The following KIF20A variants were observed in gnomAD, a reference collection of about 807,000 sequenced individuals.
KIF20A encodes kinesin-like protein KIF20A.
A neutral mutation model predicts 113.0 loss-of-function variants in KIF20A; 66 were observed. The observed-to-expected ratio is 0.58, with a 90% CI of 0.48 to 0.72. KIF20A has a LOEUF of 0.72. Among genes scored for constraint, KIF20A ranks in the 30% least tolerant of loss-of-function variants. The pLI is 0.00. For synonymous variants in KIF20A, 376 were observed against 402.3 expected (o/e 0.93, Z 0.78); for missense variants, 927 against 1,077.6 (o/e 0.86, Z 1.96).
intron 13 of KIF20A, 27 bp downstream of exon 13, chr5:138,184,703 A>G: frequency 3.1e-6 from 5 of 1,612,358 alleles, no homozygotes; most frequent in Non-Finnish European, 4.2e-6. Flanking sequence ...GCTTTAGTGT[A>G]GCAGCTTAGT....
intron 2 of KIF20A, 27 bp downstream of exon 2, chr5:138,179,872 C>A (rs903983000): frequency 6.2e-7 from 1 of 1,610,406 alleles, no homozygotes; most frequent in Non-Finnish European, 8.5e-7. Flanking sequence ...GTGGCTGGGG[C>A]GGAAAGTGAT....
At chr5:138,185,488 T>C (rs1754729127) in intron 15 of KIF20A, 24 bp from the exon 16 acceptor site, 1 of 1,607,894 alleles carries the variant, frequency 6.2e-7, no homozygotes, top group Non-Finnish European at 8.5e-7. Flanking sequence ...CTGCAAAGAA[T>C]TGTGCTCTCT....
At chr5:138,180,524 T>A (rs1411173600) in intron 2 of KIF20A, among the ~76,000 whole-genome samples, 1 of 152,226 alleles carries the variant, frequency 6.6e-6, no homozygotes, top group Non-Finnish European at 1.5e-5. Context: ...ACATACATTG[T>A]CAGATTTTGT....
rs1484981251 is a variant in KIF20A, at chr5:138,183,678, T to C, written c.1140-10T>C. On this transcript the variant is annotated splice_polypyrimidine_tract_variant and intron_variant, in intron 9 of 18. Coordinates refer to ENST00000394894, the MANE Select transcript of KIF20A (RefSeq NM_005733.3). The surrounding 1 kb of genome is among the most constrained non-coding windows in gnomAD (Gnocchi z 5.2). ...ATGTGCAATGACTTTTTGTTTTTCT[T>C]AACTTCCAGTCACAGCATCTTCTCA... 6.2e-7 allele frequency: 1 copy of C among 1,613,414 alleles called. No homozygotes were observed. Among genetic ancestry groups the C allele is most frequent in the African/African-American group, 1.3e-5 (1 of 74,916 alleles).
intron 17 of KIF20A, 63 bp from the exon 18 acceptor site, chr5:138,186,231 C>T: frequency 3.9e-6 from 6 of 1,556,062 alleles, no homozygotes; most frequent in East Asian, 2.2e-5. Flanking sequence ...GCTACCTGAC[C>T]CCTCCAGATC....
chr5:138,185,911 A>G (rs1754737162), intron 16 of KIF20A, 50 bp from the exon 17 acceptor site: 2 of 1,542,190 alleles, frequency 1.3e-6, no homozygotes, highest in Middle Eastern at 3.4e-4. Flanking sequence ...AGGTTAGTCC[A>G]AGGCTAAAAA....
rs1480117250 is a variant in KIF20A, at chr5:138,181,556, C to T, written c.255+45C>T. ...GGATTCAAGGTGAAATGATGCAGTA[C>T]AAAAGATTCCCAGGAATGCCTTCTG... On this transcript the variant is annotated intron_variant, in intron 3 of 18. Coordinates refer to ENST00000394894, the MANE Select transcript of KIF20A (RefSeq NM_005733.3). 7.4e-6 allele frequency: 12 copies of T among 1,613,896 alleles called. No individual in the cohort carries two copies. The South Asian group carries it at 1.2e-4, about 16-fold the overall frequency.
chr5:138,184,369 C>T lies in KIF20A; in HGVS notation c.1483C>T (p.Leu495Phe), dbSNP rs1239012177. Residue 495 changes from leucine to phenylalanine, a missense_variant, in exon 12 of 19, where the codon CTT becomes TTT. By Grantham distance (22) the Leu-to-Phe change is conservative. Coordinates refer to ENST00000394894, the MANE Select transcript of KIF20A (RefSeq NM_005733.3). ...NPCASTYDET[L>F]HVAKFSAIAS... ...CTGTGCATCTACCTATGATGAAACT[C>T]TTCATGTGGCCAAGTTCTCAGCCAT... 6.2e-7 allele frequency: 1 copy of T among 1,614,030 alleles called. No individual in the cohort carries two copies. Among genetic ancestry groups the T allele is most frequent in the African/African-American group, 1.3e-5 (1 of 74,906 alleles).
Position 138,182,630 on chromosome 5 carries a change from A to G in KIF20A, c.559A>G (p.Ile187Val), listed in dbSNP as rs1188358668. Reference sequence around the variant, plus strand: ...GATTCTCCCCCGGTCCCTGGCGCTGATCTTCAATAGCCTCCAAGGCCAACT... The same window carrying G: ...GATTCTCCCCCGGTCCCTGGCGCTGGTCTTCAATAGCCTCCAAGGCCAACT... ...GGILPRSLAL[I>V]FNSLQGQLHP... The change falls in exon 6 of 19, where the codon ATC becomes GTC. Residue 187 changes from isoleucine to valine, a missense_variant. Ile to Val is a conservative substitution (Grantham distance 29). Coordinates refer to ENST00000394894, the MANE Select transcript of KIF20A (RefSeq NM_005733.3). 1 of 1,614,160 alleles carries G rather than the reference A, an allele frequency of 6.2e-7. No individual in the cohort carries two copies. Among genetic ancestry groups the G allele is most frequent in the Non-Finnish European group, 8.5e-7 (1 of 1,180,032 alleles).
rs200026092 is a variant in KIF20A, at chr5:138,182,612, C to T, written c.541C>T (p.Pro181Ser). The change falls in exon 6 of 19, where the codon CCC becomes TCC. Residue 181 changes from proline to serine, a missense_variant. Coordinates refer to ENST00000394894, the MANE Select transcript of KIF20A (RefSeq NM_005733.3). ...QGTIKDGGIL[P>S]RSLALIFNSL... is the part of the protein sequence containing the mutation. Reference sequence around the variant, plus strand: ...TACCATCAAGGATGGAGGGATTCTCCCCCGGTCCCTGGCGCTGATCTTCAA... The same window carrying T: ...TACCATCAAGGATGGAGGGATTCTCTCCCGGTCCCTGGCGCTGATCTTCAA... The T allele has an allele frequency of 9.9e-6, 16 of 1,614,158 alleles. No individual in the cohort carries two copies. The highest frequency in any genetic ancestry group is 5.5e-5 in the South Asian group (5 of 91,080).
intron 4 of KIF20A, 30 bp downstream of exon 4, chr5:138,181,758 G>T: frequency 6.2e-7 from 1 of 1,611,142 alleles, no homozygotes; most frequent in Non-Finnish European, 8.5e-7. Context: ...GTGAACAAAA[G>T]ACCAACATGT....
At chr5:138,185,043 T>G in intron 14 of KIF20A, 52 bp from the exon 15 acceptor site, 1 of 1,592,100 alleles carries the variant, frequency 6.3e-7, no homozygotes, top group Non-Finnish European at 8.6e-7. Context: ...GTTCCCCAAG[T>G]TCACTCCTCA....
chr5:138,181,486 C>T lies in KIF20A; in HGVS notation c.230C>T (p.Ser77Leu). The change falls in exon 3 of 19, where the codon TCA becomes TTA. Residue 77 changes from serine (S) to leucine (L), a missense_variant. Ser to Leu is a moderately radical substitution (Grantham distance 145). Coordinates refer to ENST00000394894, the MANE Select transcript of KIF20A (RefSeq NM_005733.3). ...VYLRVRPLLP[S>L]ELERQEDQGC... ...TTGAGGGTTAGGCCCTTGTTACCTT[C>T]AGAGTTGGAACGACAGGAAGATCAG... 6.2e-7 allele frequency: 1 copy of T among 1,614,206 alleles called. No individual in the cohort carries two copies. The highest frequency in any genetic ancestry group is 8.5e-7 in the Non-Finnish European group (1 of 1,180,036).
chr5:138,183,841 G>T lies in KIF20A; in HGVS notation c.1208+85G>T. On this transcript the variant is annotated intron_variant, in intron 10 of 18. Coordinates refer to ENST00000394894, the MANE Select transcript of KIF20A (RefSeq NM_005733.3). The surrounding 1 kb of genome is among the most constrained non-coding windows in gnomAD (Gnocchi z 5.2). ...TGGAGGAGGTCCTCAGGGGAACTAT[G>T]TGTTCTCCTTCTTTGGGTACAGAGA... The T allele has an allele frequency of 1.9e-6, 3 of 1,557,180 alleles. 1 individual carries two copies. Among genetic ancestry groups the T allele is most frequent in the South Asian group, 2.2e-5 (2 of 88,990 alleles).
In KIF20A at chr5:138,187,608, TATATG is replaced by T; in HGVS notation, c.*198_*202del. The T allele has an allele frequency of 2.1e-6, 1 of 486,966 alleles. No homozygotes were observed. Among genetic ancestry groups the T allele is most frequent in the Non-Finnish European group, 3.6e-6 (1 of 277,744 alleles). The allele number at this position is 486,966 out of a possible 1,614,324, so 30.2% of individuals were successfully genotyped here. On this transcript the variant is annotated 3_prime_UTR_variant, in exon 19 of 19. Transcript: ENST00000394894. ...ATGTTGTTGTTTTTTTTTATTTACT[TATATG>T]ATTTCTATGCACACAAAAACAGTTA...
intron 2 of KIF20A, 149 bp downstream of exon 2, chr5:138,179,994 A>G (rs1754619848): frequency 1.3e-6 from 1 of 745,290 alleles, no homozygotes; most frequent in Non-Finnish European, 2.0e-6. Flanking sequence ...ATGGCTATGA[A>G]AAGAAAAAAA....
intron 2 of KIF20A, among the ~76,000 whole-genome samples, chr5:138,181,013 T>C (rs1456163510): frequency 6.6e-6 from 1 of 152,250 alleles, no homozygotes; most frequent in African/African-American, 2.4e-5. Flanking sequence ...TAGGTGCTAT[T>C]ATTAACCCCA....
rs1186381845 is a variant in KIF20A, at chr5:138,179,719, G to T, written c.39G>T (p.Leu13=). 6.2e-7 allele frequency: 1 copy of T among 1,614,154 alleles called. No individual in the cohort carries two copies. Among genetic ancestry groups the T allele is most frequent in the South Asian group, 1.1e-5 (1 of 91,080 alleles). Residue 13 remains leucine (L), a synonymous_variant, in exon 2 of 19, where the codon CTG becomes CTT. Transcript: ENST00000394894. ...QGILSPPAGL[L]SDDDVVVSPM... ...TCCTTTCTCCGCCAGCGGGCTTGCT[G>T]TCCGATGACGATGTCGTAGTTTCTC...
rs138366667 is a variant in KIF20A at position 138,184,903 on chromosome 5, A to G, written c.1780A>G (p.Asn594Asp). The part of the protein sequence containing the change: ...LEMHLRDEIC[N>D]EMVEQMQQRE... The stretch of plus-strand genomic sequence containing the variant: ...GATGCATCTCCGAGATGAAATTTGC[A>G]ATGAGATGGTAGAACAGATGCAACA... The change falls in exon 14 of 19, where the codon AAT becomes GAT. Residue 594 changes from asparagine to aspartate, a missense_variant. Coordinates refer to ENST00000394894, the MANE Select transcript of KIF20A (RefSeq NM_005733.3). 36 of 1,614,034 alleles carry G rather than the reference A, an allele frequency of 2.2e-5. No homozygotes were observed. The highest frequency in any genetic ancestry group is 3.1e-5 in the Non-Finnish European group (36 of 1,180,008).
Sources: allele counts gnomAD v4.1 joint callset (sites outside exome capture counted in the v4.1 genomes callset), GRCh38; gene constraint gnomAD v4.1.1; non-coding constraint Gnocchi (gnomAD v3.1); transcripts MANE v1.5; gene names NCBI Gene and HGNC (gene_info 2026-07-23, HGNC 2026-07-21).